DPP10: variants seen among roughly 807,000 people sequenced by gnomAD.
DPP10 encodes inactive dipeptidyl peptidase 10.
In DPP10, 33 loss-of-function variants were observed where a neutral mutation model predicts 120.9. The observed-to-expected ratio is 0.27, with a 90% CI of 0.21 to 0.37. DPP10 has a LOEUF of 0.37. Among genes scored for constraint, DPP10 ranks in the 10% least tolerant of loss-of-function variants. The probability of loss-of-function intolerance (pLI) is 1.00; values close to 1 mark genes in which losing one functional copy is unlikely to be tolerated. For missense variants in DPP10, 816 were observed against 942.8 expected, an observed-to-expected ratio of 0.87 and a Z score of 1.76; for synonymous variants, 337 against 326.1, an observed-to-expected ratio of 1.03 and a Z score of -0.36.
At chr2:114,607,045 G>C (rs968022671) in intron 1 of DPP10, among the ~76,000 whole-genome samples, 1 of 152,148 alleles carries the variant, frequency 6.6e-6, no homozygotes, top group Admixed American at 6.6e-5. Flanking sequence ...AGGTTGTCCT[G>C]GGTTGTGAGA....
intron 1 of DPP10, among the ~76,000 whole-genome samples, chr2:114,836,811 T>C (rs1157684335): frequency 6.6e-6 from 1 of 152,186 alleles, no homozygotes; most frequent in Non-Finnish European, 1.5e-5. Flanking sequence ...AGGGGGCCAA[T>C]TTAGAGACCC....
At chr2:115,362,708 A>T (rs1280436220) in intron 3 of DPP10, among the ~76,000 whole-genome samples, 1 of 152,226 alleles carries the variant, frequency 6.6e-6, no homozygotes, top group Non-Finnish European at 1.5e-5. Flanking sequence ...CGCCATGTCA[A>T]CATAAAGGTA....
intron 3 of DPP10, among the ~76,000 whole-genome samples, chr2:115,388,132 G>T (rs1364589516): frequency 6.6e-6 from 1 of 152,184 alleles, no homozygotes; most frequent in African/African-American, 2.4e-5. Flanking sequence ...AGAAGCGATT[G>T]AAAATGTAAA....
intron 1 of DPP10, among the ~76,000 whole-genome samples, chr2:114,636,293 T>C (rs561485308): frequency 6.6e-6 from 1 of 152,128 alleles, no homozygotes; most frequent in South Asian, 2.1e-4. Context: ...CAACAAGTAG[T>C]TGATATGTAA....
At chr2:115,661,200 C>T (rs1017100125) in intron 5 of DPP10, among the ~76,000 whole-genome samples, 4 of 152,140 alleles carry the variant, frequency 2.6e-5, no homozygotes, top group Admixed American at 2.0e-4. Flanking sequence ...CCACCCGCCT[C>T]AGCCTCCCAA....
At chr2:115,819,989 T>C (rs569923449) in intron 21 of DPP10, among the ~76,000 whole-genome samples, 1 of 152,334 alleles carries the variant, frequency 6.6e-6, no homozygotes, top group Admixed American at 6.5e-5. Context: ...AGCGAAACTC[T>C]GTCTCAAAAC....
Position 115,814,951 on chromosome 2 carries a change from G to T in DPP10, c.1859G>T (p.Gly620Val), listed in dbSNP as rs1414050627. The T allele has an allele frequency of 6.2e-7, 1 of 1,611,410 alleles. No individual in the cohort carries two copies. ...KILQEIHRRL[G>V]SVEVKDQITA... is the part of the protein sequence containing the mutation. ...TTGCAGGAGATTCATCGAAGATTAG[G>T]TTCAGTAGAAGTAAAGGACCAAATA... is the stretch of plus-strand genomic sequence containing the variant. Residue 620 changes from glycine (G) to valine (V), a missense_variant, in exon 20 of 26, where the codon GGT (glycine) becomes GTT (valine). Coordinates refer to ENST00000410059, the MANE Select transcript of DPP10 (RefSeq NM_020868.6).
At chr2:115,398,630 T>C (rs116593016) in intron 3 of DPP10, among the ~76,000 whole-genome samples, 1,622 of 152,260 alleles carry the variant, frequency 0.011, 27 homozygotes, top group African/African-American at 0.036. Flanking sequence ...CAATAGTCTA[T>C]GGTGTCCTAG....
chr2:114,476,608 A>G lies in DPP10; in HGVS notation c.60+33770A>G, dbSNP rs1381904573. ...ATAAAATAGTTCTTCTTGTGTTTACATTTATATAATCATTGAATCATATGC... is the reference window on the plus strand; with the variant it reads ...ATAAAATAGTTCTTCTTGTGTTTACGTTTATATAATCATTGAATCATATGC... On this transcript the variant is annotated intron_variant, in intron 1 of 25. Transcript: ENST00000410059. 6.6e-5 allele frequency among the ~76,000 whole-genome samples: 10 copies of G among 152,324 alleles called. 1 individual carries two copies. The East Asian group carries it at 1.3e-3, about 21-fold the overall frequency.
intron 5 of DPP10, among the ~76,000 whole-genome samples, chr2:115,557,585 T>C (rs764994552): frequency 6.6e-6 from 1 of 152,216 alleles, no homozygotes; most frequent in African/African-American, 2.4e-5. Context: ...TTTCTCAAGG[T>C]ATAATTTTAT....
At chr2:115,671,922 A>C (rs1438102149) in intron 5 of DPP10, among the ~76,000 whole-genome samples, 1 of 152,264 alleles carries the variant, frequency 6.6e-6, no homozygotes, top group African/African-American at 2.4e-5. Flanking sequence ...ATGCAAATGG[A>C]ATAGTGTGAC....
Position 115,588,490 on chromosome 2 carries a change from G to A in DPP10, c.441+62518G>A, listed in dbSNP as rs186762415. 1.0e-3 allele frequency among the ~76,000 whole-genome samples: 154 copies of A among 152,220 alleles called. 2 individuals are homozygous for A. The highest frequency in any genetic ancestry group is 1.3e-3 in the Non-Finnish European group (87 of 68,020). On this transcript the variant is annotated intron_variant, in intron 5 of 25. Coordinates refer to ENST00000410059, the MANE Select transcript of DPP10 (RefSeq NM_020868.6). ...CTACCATCATGAAGAGGATACCTGT[G>A]GAACCTTCCTAAGAAACAGACATTG...
intron 1 of DPP10, among the ~76,000 whole-genome samples, chr2:114,596,392 C>T (rs1055454329): frequency 6.6e-6 from 1 of 151,696 alleles, no homozygotes; most frequent in Non-Finnish European, 1.5e-5. Flanking sequence ...TGAGGGTCTT[C>T]GAAAAGCAAA....
chr2:115,721,598 TA>T (rs71394163), intron 7 of DPP10, among the ~76,000 whole-genome samples: 63 of 147,964 alleles, frequency 4.3e-4, no homozygotes, highest in South Asian at 1.7e-3. Context: ...ACAGCTATTA[TA>T]AAAAAAAAAG....
At chr2:115,604,761 G>C (rs933400931) in intron 5 of DPP10, among the ~76,000 whole-genome samples, 2 of 151,936 alleles carry the variant, frequency 1.3e-5, no homozygotes, top group Non-Finnish European at 2.9e-5. Flanking sequence ...CTTTTCATGA[G>C]GTCATTTGCT....
intron 2 of DPP10, among the ~76,000 whole-genome samples, chr2:115,335,212 C>A (rs1296400816): frequency 6.6e-6 from 1 of 151,992 alleles, no homozygotes; most frequent in Non-Finnish European, 1.5e-5. Context: ...CCCCATATTT[C>A]AGTCACCTCC....
At chr2:115,670,227 A>G (rs2089759400) in intron 5 of DPP10, among the ~76,000 whole-genome samples, 1 of 152,146 alleles carries the variant, frequency 6.6e-6, no homozygotes, top group African/African-American at 2.4e-5. Flanking sequence ...ATATCCAAAT[A>G]TCATCACATT....
intron 1 of DPP10, among the ~76,000 whole-genome samples, chr2:114,804,514 G>A (rs2106296393): frequency 6.6e-6 from 1 of 152,286 alleles, no homozygotes; most frequent in South Asian, 2.1e-4. Context: ...CACAGGGGTG[G>A]AGCTTTCCAA....
At chr2:115,269,268 C>G (rs1329788873) in intron 1 of DPP10, among the ~76,000 whole-genome samples, 1 of 152,138 alleles carries the variant, frequency 6.6e-6, no homozygotes, top group Non-Finnish European at 1.5e-5. Flanking sequence ...CAGAAGCTAC[C>G]ATCTATTGAA....
Sources: gnomAD v4.1 joint callset for allele counts (sites outside exome capture counted in the v4.1 genomes callset) on GRCh38, gnomAD v4.1.1 for gene constraint, MANE v1.5 for transcripts, NCBI Gene and HGNC (gene_info 2026-07-23, HGNC 2026-07-21) for gene names.